RIMBP2: variants seen among roughly 807,000 people sequenced by gnomAD.
The protein encoded by RIMBP2 is RIMS-binding protein 2.
RIMBP2 carries 48 observed loss-of-function variants against 118.6 expected under a neutral mutation model. The ratio of observed to expected loss-of-function variants is 0.40; its 90% CI spans 0.32 to 0.51. The LOEUF (loss-of-function observed/expected upper bound fraction) is 0.51. Ranked by LOEUF, RIMBP2 falls within the 20% of genes least tolerant of loss-of-function variation. RIMBP2 has a pLI of 0.41. For synonymous variants in RIMBP2, 762 were observed against 742.9 expected (o/e 1.03, Z -0.42); for missense variants, 1,551 against 1,768.3 (o/e 0.88, Z 2.20).
intron 21 of RIMBP2, among the ~76,000 whole-genome samples, chr12:130,400,530 C>A (rs2074430253): frequency 6.6e-6 from 1 of 152,146 alleles, no homozygotes; most frequent in Non-Finnish European, 1.5e-5. Flanking sequence ...TCACTTCTTC[C>A]CCAAACTCAT....
chr12:130,674,190 C>T (rs1366857472), intron 1 of RIMBP2, among the ~76,000 whole-genome samples: 1 of 152,056 alleles, frequency 6.6e-6, no homozygotes, highest in East Asian at 1.9e-4. Context: ...AAGTGTTTGG[C>T]GCCTTCTCCT....
chr12:130,405,332 C>T (rs1293657753), intron 21 of RIMBP2, among the ~76,000 whole-genome samples: 2 of 152,200 alleles, frequency 1.3e-5, no homozygotes, highest in Non-Finnish European at 2.9e-5. Context: ...GGGAATCCTA[C>T]ACATGCCTGC....
chr12:130,514,843 G>A (rs2051276567), intron 3 of RIMBP2, among the ~76,000 whole-genome samples: 1 of 152,082 alleles, frequency 6.6e-6, no homozygotes, highest in Non-Finnish European at 1.5e-5. Flanking sequence ...GTGGAAAAAT[G>A]GGGAAAGCAT....
At chr12:130,569,420 C>A (rs1445219031) in intron 2 of RIMBP2, among the ~76,000 whole-genome samples, 1 of 152,212 alleles carries the variant, frequency 6.6e-6, no homozygotes, top group Non-Finnish European at 1.5e-5. Context: ...ACTCCAGTGA[C>A]CCTTGAGAAA....
At chr12:130,699,238 A>G (rs915750700) in intron 1 of RIMBP2, among the ~76,000 whole-genome samples, 1 of 152,206 alleles carries the variant, frequency 6.6e-6, no homozygotes, top group Non-Finnish European at 1.5e-5. Flanking sequence ...TTATATACCC[A>G]AAGGATTATA....
At chr12:130,609,207 C>T (rs1256056896) in intron 2 of RIMBP2, among the ~76,000 whole-genome samples, 2 of 151,996 alleles carry the variant, frequency 1.3e-5, no homozygotes, top group African/African-American at 2.4e-5. Flanking sequence ...TCTGCACCCC[C>T]ACGTATGAAC....
chr12:130,566,913 G>A (rs1321599451), intron 2 of RIMBP2, among the ~76,000 whole-genome samples: 2 of 152,210 alleles, frequency 1.3e-5, no homozygotes, highest in Non-Finnish European at 2.9e-5. Flanking sequence ...CAGCCTTCAT[G>A]TTTTTCAGCT....
rs777097560 is a variant in RIMBP2 at position 130,604,582 on chromosome 12, C to CTTTTT, written c.-217+23739_-217+23740insAAAAA. Among the ~76,000 whole-genome samples the CTTTTT allele has an allele frequency of 3.7e-3, 250 of 67,088 alleles. 8 individuals are homozygous for CTTTTT. The highest frequency in any genetic ancestry group is 5.2e-3 in the East Asian group (9 of 1,746). 44.0% of individuals were successfully genotyped at this position (67,088 alleles called of 152,430 possible). On this transcript the variant is annotated intron_variant, in intron 2 of 22. Transcript: ENST00000690449. ...AGTGCCCTATACAGATGCCCCTTTTCTTTCTTTTTTTTTTTTTTTGAGACA... is the reference window on the plus strand; with the variant it reads ...AGTGCCCTATACAGATGCCCCTTTTCTTTTTTTTCTTTTTTTTTTTTTTTGAGACA...
At chr12:130,611,182 G>A (rs1432412365) in intron 2 of RIMBP2, among the ~76,000 whole-genome samples, 1 of 152,188 alleles carries the variant, frequency 6.6e-6, no homozygotes, top group African/African-American at 2.4e-5. Flanking sequence ...AGGCATCGCT[G>A]CCAACACCAC....
At chr12:130,551,488 T>C (rs1222267171) in intron 2 of RIMBP2, among the ~76,000 whole-genome samples, 1 of 152,256 alleles carries the variant, frequency 6.6e-6, no homozygotes, top group East Asian at 1.9e-4. Flanking sequence ...TCCCATAGTT[T>C]GCTATTTTTA....
Position 130,704,146 on chromosome 12 carries a change from A to G in RIMBP2, c.-352+12076T>C, listed in dbSNP as rs1381479974. Among the ~76,000 whole-genome samples the G allele has an allele frequency of 2.0e-5, 3 of 152,192 alleles. No individual in the cohort carries two copies. The East Asian group carries it at 5.8e-4, about 29-fold the overall frequency. On this transcript the variant is annotated intron_variant, in intron 1 of 22. Transcript: ENST00000690449. ...TCCCTCCAGGCACCAGAACACAGGC[A>G]GGGAGGACAGAGGAAGTGCAGGAGG...
Position 130,707,965 on chromosome 12 carries a change from A to G in RIMBP2, c.-352+8257T>C, listed in dbSNP as rs1199082025. Reference sequence around the variant, plus strand: ...GAGACTATACGCATTACACATGACTATATTTGCAATAATCTCAGGCCTTTT... The same window carrying G: ...GAGACTATACGCATTACACATGACTGTATTTGCAATAATCTCAGGCCTTTT... On this transcript the variant is annotated intron_variant, in intron 1 of 22. Transcript: ENST00000690449. Among the ~76,000 whole-genome samples, 5 of 152,222 alleles carry G rather than the reference A, an allele frequency of 3.3e-5. No homozygotes were observed. In the East Asian group the frequency reaches 9.6e-4, roughly 29 times the overall value.
intron 2 of RIMBP2, among the ~76,000 whole-genome samples, chr12:130,607,494 C>T (rs977351461): frequency 9.9e-5 from 15 of 152,068 alleles, no homozygotes; most frequent in African/African-American, 3.6e-4. Flanking sequence ...GCCACGTCTC[C>T]ACACCCAGAA....
chr12:130,451,061 G>C, intron 8 of RIMBP2, 134 bp downstream of exon 8: 2 of 1,059,466 alleles, frequency 1.9e-6, no homozygotes, highest in Non-Finnish European at 2.7e-6. Context: ...AATTAACAGG[G>C]GCAAAGGGAA....
chr12:130,681,222 T>C (rs899464392), intron 1 of RIMBP2, among the ~76,000 whole-genome samples: 3 of 151,968 alleles, frequency 2.0e-5, no homozygotes, highest in African/African-American at 7.3e-5. Context: ...GGTGGGAGGA[T>C]CACTTGAGGT....
chr12:130,651,349 T>C (rs12230876), intron 1 of RIMBP2: 10,835 of 152,242 alleles, frequency 0.071, 594 homozygotes, highest in East Asian at 0.23. Flanking sequence ...TATGATGACA[T>C]AGATGGCAGG....
chr12:130,540,579 C>T (rs972879112), intron 2 of RIMBP2, among the ~76,000 whole-genome samples: 3 of 152,172 alleles, frequency 2.0e-5, no homozygotes, highest in African/African-American at 4.8e-5. Context: ...TGGACAGTGA[C>T]TCACCAGAAC....
rs1027388504 is a variant in RIMBP2 at position 130,407,935 on chromosome 12, C to T, written c.3590-106G>A. ...CATGGCCAATACAGCCGAGACCTGG[C>T]ACTGCTAACAGGGCCACGTGCTCCT... On this transcript the variant is annotated intron_variant, in intron 19 of 22. Transcript: ENST00000690449. The T allele has an allele frequency of 1.6e-5, 16 of 983,176 alleles. No individual in the cohort carries two copies. The African/African-American group carries it at 1.7e-4, about 11-fold the overall frequency. 60.9% of individuals were successfully genotyped at this position (983,176 alleles called of 1,614,324 possible). A position where few individuals can be genotyped will look rare whatever the true frequency, so the allele number is the denominator to read the frequency against.
rs781760072 is a variant in RIMBP2, at chr12:130,669,641, T to A, written c.-351-41185A>T. 9.3e-4 allele frequency among the ~76,000 whole-genome samples: 142 copies of A among 152,342 alleles called. 1 individual carries two copies. Among genetic ancestry groups the A allele is most frequent in the Non-Finnish European group, 1.3e-3 (87 of 68,030 alleles). ...AAGTTTCCTGAGGCCTCCCCAGCCA[T>A]GTGGAACTGTGAGCCAATTCAACCT... On this transcript the variant is annotated intron_variant, in intron 1 of 22. Coordinates refer to ENST00000690449, the MANE Select transcript of RIMBP2 (RefSeq NM_001393629.1).
Sources: allele counts gnomAD v4.1 joint callset (sites outside exome capture counted in the v4.1 genomes callset), GRCh38; gene constraint gnomAD v4.1.1; transcripts MANE v1.5; gene names NCBI Gene and HGNC (gene_info 2026-07-23, HGNC 2026-07-21).